ZNF804A: variants seen among roughly 807,000 people sequenced by gnomAD.
The protein encoded by ZNF804A is zinc finger protein 804A.
ZNF804A carries 2 observed loss-of-function variants against 16.5 expected under a neutral mutation model. That is an observed-to-expected ratio of 0.12 (90% CI 0.05 to 0.38). The LOEUF is 0.38. Ranked by LOEUF, ZNF804A falls within the 10% of genes least tolerant of loss-of-function variation. The pLI is 0.99. For synonymous variants in ZNF804A, 534 were observed against 489.6 expected (o/e 1.09, Z -1.20); for missense variants, 1,473 against 1,390.7 (o/e 1.06, Z -0.94).
chr2:184,794,670 G>T (rs1287308931), intron 1 of ZNF804A, among the ~76,000 whole-genome samples: 1 of 152,054 alleles, frequency 6.6e-6, no homozygotes, highest in Non-Finnish European at 1.5e-5. Context: ...TACTAATGTT[G>T]AATGTAAGCG....
intron 1 of ZNF804A, among the ~76,000 whole-genome samples, chr2:184,708,115 A>G (rs1195999244): frequency 6.6e-6 from 1 of 151,754 alleles, no homozygotes; most frequent in Non-Finnish European, 1.5e-5. Flanking sequence ...TATGTTTTGT[A>G]CATACTTCTC....
chr2:184,748,362 A>G (rs1485400054), intron 1 of ZNF804A, among the ~76,000 whole-genome samples: 2 of 150,970 alleles, frequency 1.3e-5, no homozygotes, highest in East Asian at 1.9e-4. Flanking sequence ...CTTAATTTGC[A>G]TTTCTCTGAT....
Position 184,854,684 on chromosome 2 carries a change from G to A in ZNF804A, c.112-11685G>A, listed in dbSNP as rs529747318. On this transcript the variant is annotated intron_variant, in intron 1 of 3. Transcript: ENST00000302277. Reference sequence around the variant, plus strand: ...GACCTCTTTATAAAACCTGAAGAAAGAGAAGGATAAACTGTTGAAGTGCTA... The same window carrying A: ...GACCTCTTTATAAAACCTGAAGAAAAAGAAGGATAAACTGTTGAAGTGCTA... Among the ~76,000 whole-genome samples, 4 of 152,128 alleles carry A rather than the reference G, an allele frequency of 2.6e-5. 1 individual carries two copies. The South Asian group carries it at 8.3e-4, about 32-fold the overall frequency.
At chr2:184,653,695 G>T (rs1266033450) in intron 1 of ZNF804A, among the ~76,000 whole-genome samples, 1 of 152,168 alleles carries the variant, frequency 6.6e-6, no homozygotes, top group Non-Finnish European at 1.5e-5. Context: ...GTGAGCACTT[G>T]GGAGGTGAGC....
intron 1 of ZNF804A, among the ~76,000 whole-genome samples, chr2:184,805,746 A>G (rs1694791073): frequency 6.6e-6 from 1 of 152,030 alleles, no homozygotes; most frequent in South Asian, 2.1e-4. Context: ...ACGTGCAAAT[A>G]TTTGAGGAGT....
At chr2:184,758,260 A>G (rs540820070) in intron 1 of ZNF804A, among the ~76,000 whole-genome samples, 2 of 152,018 alleles carry the variant, frequency 1.3e-5, no homozygotes, top group Non-Finnish European at 2.9e-5. Context: ...ATCATTCAAG[A>G]TAGCGAATTA....
chr2:184,623,149 T>A (rs757304296), intron 1 of ZNF804A, among the ~76,000 whole-genome samples: 14 of 152,010 alleles, frequency 9.2e-5, no homozygotes, highest in Admixed American at 4.6e-4. Context: ...AATTGAAATC[T>A]GCAATAATAG....
At chr2:184,659,164 A>T (rs1330365889) in intron 1 of ZNF804A, among the ~76,000 whole-genome samples, 1 of 152,200 alleles carries the variant, frequency 6.6e-6, no homozygotes, top group Non-Finnish European at 1.5e-5. Flanking sequence ...TGAGTTTGAA[A>T]CAGGCAAAAA....
At chr2:184,829,605 A>G (rs1366259375) in intron 1 of ZNF804A, among the ~76,000 whole-genome samples, 1 of 151,940 alleles carries the variant, frequency 6.6e-6, no homozygotes, top group Non-Finnish European at 1.5e-5. Flanking sequence ...ATCTAGACTT[A>G]TATTATCTGA....
In ZNF804A at chr2:184,937,448, T is replaced by G. The variant is rs201041724; in HGVS notation, c.2052T>G (p.Tyr684Ter). ...CKTWNTEYNT[Y>*]DTISSKNHCK... The stretch of plus-strand genomic sequence containing the variant: ...CATGGAATACTGAATACAACACTTA[T>G]GATACTATCAGTTCTAAAAACCACT... Residue 684 changes from tyrosine to a stop codon, truncating the protein, a stop_gained, in exon 4 of 4, where the codon TAT (tyrosine) becomes TAG (stop). Coordinates refer to ENST00000302277, the MANE Select transcript of ZNF804A (RefSeq NM_194250.2). LOFTEE classifies it low-confidence loss of function (END_TRUNC). The G allele has an allele frequency of 6.2e-7, 1 of 1,610,998 alleles. No homozygotes were observed. The highest frequency in any genetic ancestry group is 1.1e-5 in the South Asian group (1 of 90,814).
At chr2:184,765,268 G>C (rs1694100769) in intron 1 of ZNF804A, among the ~76,000 whole-genome samples, 3 of 152,220 alleles carry the variant, frequency 2.0e-5, no homozygotes, top group South Asian at 4.1e-4. Context: ...GAGTAAATTG[G>C]AACGTGCTGC....
In ZNF804A at chr2:184,879,044, T is replaced by A. The variant is rs144917355; in HGVS notation, c.255+12532T>A. ...CATAACTCACTCACAATAACCTGGA[T>A]AACTTATGATAACAAATTATGTCTA... is the stretch of plus-strand genomic sequence containing the variant. On this transcript the variant is annotated intron_variant, in intron 2 of 3. Coordinates refer to ENST00000302277, the MANE Select transcript of ZNF804A (RefSeq NM_194250.2). Among the ~76,000 whole-genome samples, 1,380 of 152,068 alleles carry A rather than the reference T, an allele frequency of 9.1e-3. 23 individuals carry two copies. The highest frequency in any genetic ancestry group is 0.032 in the African/African-American group (1,319 of 41,510).
At chr2:184,674,719 T>C (rs1692393005) in intron 1 of ZNF804A, among the ~76,000 whole-genome samples, 1 of 151,924 alleles carries the variant, frequency 6.6e-6, no homozygotes, top group African/African-American at 2.4e-5. Flanking sequence ...AAAAATTACA[T>C]GTTTTTCTGA....
In ZNF804A at chr2:184,937,198, A is replaced by G. The variant is rs1172038046; in HGVS notation, c.1802A>G (p.Lys601Arg). The G allele has an allele frequency of 6.3e-7, 1 of 1,597,548 alleles. No homozygotes were observed. The highest frequency in any genetic ancestry group is 1.8e-5 in the Admixed American group (1 of 54,748). Reference sequence around the variant, plus strand: ...AGTAGAAGAAAGAAAAAAAGAAAAAAGTTATGTCAGCATCATCATATGGAG... The same window carrying G: ...AGTAGAAGAAAGAAAAAAAGAAAAAGGTTATGTCAGCATCATCATATGGAG... Reference protein sequence around the residue: ...HKSRRKKKRKKLCQHHHMEKT... With the variant: ...HKSRRKKKRKRLCQHHHMEKT... The change falls in exon 4 of 4, where the codon AAG (lysine) becomes AGG (arginine). Residue 601 changes from lysine to arginine, a missense_variant. Transcript: ENST00000302277.
chr2:184,927,177 G>T (rs943416895), intron 2 of ZNF804A, among the ~76,000 whole-genome samples: 1 of 152,220 alleles, frequency 6.6e-6, no homozygotes, highest in Non-Finnish European at 1.5e-5. Context: ...AGGACTGTAT[G>T]TTGTGAACTA....
intron 2 of ZNF804A, among the ~76,000 whole-genome samples, chr2:184,882,985 A>G (rs79144213): frequency 0.064 from 9,783 of 152,128 alleles, 1,069 homozygotes; most frequent in African/African-American, 0.22. Context: ...TAAAAGATCA[A>G]CAAATCCACA....
At chr2:184,875,710 A>G (rs1325328783) in intron 2 of ZNF804A, among the ~76,000 whole-genome samples, 2 of 151,716 alleles carry the variant, frequency 1.3e-5, no homozygotes, top group Non-Finnish European at 2.9e-5. Context: ...ATATAACAAG[A>G]TAATTAAAAT....
chr2:184,608,614 CTT>C (rs1276972128), intron 1 of ZNF804A, among the ~76,000 whole-genome samples: 12 of 152,144 alleles, frequency 7.9e-5, no homozygotes. Flanking sequence ...TATCGTGAAA[CTT>C]TATATTTGAC....
At chr2:184,715,794 A>G (rs912064270) in intron 1 of ZNF804A, among the ~76,000 whole-genome samples, 1 of 152,154 alleles carries the variant, frequency 6.6e-6, no homozygotes, top group Non-Finnish European at 1.5e-5. Context: ...GTAAATTATT[A>G]ATTTCTAAAA....
Sources: gnomAD v4.1 joint callset for allele counts (sites outside exome capture counted in the v4.1 genomes callset) on GRCh38, gnomAD v4.1.1 for gene constraint, MANE v1.5 for transcripts, NCBI Gene and HGNC (gene_info 2026-07-23, HGNC 2026-07-21) for gene names.